Variants in ZC3H12B observed in about 807,000 individuals in gnomAD.
The protein encoded by ZC3H12B is probable ribonuclease ZC3H12B.
A neutral mutation model predicts 43.9 loss-of-function variants in ZC3H12B; 7 were observed. The ratio of observed to expected loss-of-function variants is 0.16; its 90% CI spans 0.09 to 0.30. The LOEUF (loss-of-function observed/expected upper bound fraction) is 0.30, where lower values mean the gene tolerates loss of function less well. ZC3H12B is among the 10% of genes least tolerant of loss of function. The probability of loss-of-function intolerance (pLI) is 1.00; values close to 1 mark genes in which losing one functional copy is unlikely to be tolerated. For synonymous variants in ZC3H12B, 222 were observed against 241.7 expected, an observed-to-expected ratio of 0.92 and a Z score of 0.76; for missense variants, 475 against 670.2, an observed-to-expected ratio of 0.71 and a Z score of 3.22.
chrX:65,088,133 G>A, the ZC3H12B span, among the ~76,000 whole-genome samples: 1 of 111,845 alleles, frequency 8.9e-6, no homozygotes, highest in African/African-American at 3.3e-5. Context: ...ACATTAGCCT[G>A]TGTAAGATTC....
the ZC3H12B span, among the ~76,000 whole-genome samples, chrX:65,306,932 G>A: frequency 8.9e-6 from 1 of 112,285 alleles, no homozygotes; most frequent in East Asian, 2.8e-4. Context: ...AGAATATTTT[G>A]TGTGATTTTA....
At chrX:65,186,597 C>A in the ZC3H12B span, 1 of 103,544 alleles carries the variant, frequency 9.7e-6, no homozygotes, top group Non-Finnish European at 2.0e-5. Flanking sequence ...TGAATAAGTT[C>A]TTTATTGTTG....
At chrX:65,118,500 A>G in the ZC3H12B span, among the ~76,000 whole-genome samples, 1 of 111,266 alleles carries the variant, frequency 9.0e-6, no homozygotes, top group African/African-American at 3.3e-5. Context: ...TAGAAATGTC[A>G]TCTGCAAACA....
chrX:65,328,558 CT>C, the ZC3H12B span: 141 of 177,479 alleles, frequency 7.9e-4, no homozygotes, highest in East Asian at 3.3e-3. Flanking sequence ...CTTTATTTGT[CT>C]TTTTTTTTAT....
At chrX:65,124,563 T>G in the ZC3H12B span, among the ~76,000 whole-genome samples, 1 of 111,186 alleles carries the variant, frequency 9.0e-6, no homozygotes, top group African/African-American at 3.3e-5. Flanking sequence ...AAGATTGTTA[T>G]CAGTTCTCCA....
chrX:65,259,883 A>G, the ZC3H12B span, among the ~76,000 whole-genome samples: 46 of 112,160 alleles, frequency 4.1e-4, no homozygotes, highest in African/African-American at 1.5e-3. Flanking sequence ...ATGGAGCACT[A>G]CTCAGCCATA....
chrX:65,387,387 C>T (rs2066542968), intron 2 of ZC3H12B, among the ~76,000 whole-genome samples: 1 of 111,732 alleles, frequency 8.9e-6, no homozygotes, highest in Non-Finnish European at 1.9e-5. Context: ...ATCCCTTTAC[C>T]ATTATTTAAT....
the ZC3H12B span, among the ~76,000 whole-genome samples, chrX:65,167,852 A>G: frequency 1.8e-5 from 2 of 111,934 alleles, no homozygotes; most frequent in Non-Finnish European, 3.8e-5. Flanking sequence ...TTATTGGTGT[A>G]TAAGAATGCT....
upstream of ZC3H12B, among the ~76,000 whole-genome samples, chrX:65,361,953 G>A (rs1274937671): frequency 8.9e-6 from 1 of 112,236 alleles, no homozygotes; most frequent in Admixed American, 9.4e-5. Flanking sequence ...CAGCAGCCAG[G>A]CATTCCTCCA....
chrX:65,175,214 G>A, the ZC3H12B span, among the ~76,000 whole-genome samples: 1 of 111,943 alleles, frequency 8.9e-6, no homozygotes, highest in Non-Finnish European at 1.9e-5. Context: ...TGCACCCACT[G>A]CCTAACCAGT....
chrX:65,499,433 G>C (rs921906083), intron 3 of ZC3H12B, 200 bp downstream of exon 8: 20 of 393,988 alleles, frequency 5.1e-5, no homozygotes, highest in African/African-American at 4.5e-4. Context: ...ACAATGTTTT[G>C]TTATAAGAGC....
At chrX:65,069,210 C>T in the ZC3H12B span, among the ~76,000 whole-genome samples, 1 of 106,359 alleles carries the variant, frequency 9.4e-6, no homozygotes. Flanking sequence ...TATGAATCAA[C>T]TTTCTTCTGC....
chrX:65,227,754 C>G, the ZC3H12B span, among the ~76,000 whole-genome samples: 3 of 111,084 alleles, frequency 2.7e-5, no homozygotes, highest in African/African-American at 9.8e-5. Flanking sequence ...ACTACAAACA[C>G]CTCTACGCAA....
chrX:65,436,676 T>C (rs2067225466), intron 3 of ZC3H12B, among the ~76,000 whole-genome samples: 1 of 111,664 alleles, frequency 9.0e-6, no homozygotes, highest in Admixed American at 9.5e-5. Context: ...CCTTCACTTT[T>C]TAAAAAAACT....
At chrX:65,277,096 T>G in the ZC3H12B span, among the ~76,000 whole-genome samples, 2 of 111,412 alleles carry the variant, frequency 1.8e-5, no homozygotes, top group Non-Finnish European at 1.9e-5. Flanking sequence ...AAAATTTATG[T>G]CAAGAAGATT....
intron 2 of ZC3H12B, among the ~76,000 whole-genome samples, chrX:65,386,294 T>G (rs2066524389): frequency 8.9e-6 from 1 of 111,964 alleles, no homozygotes; most frequent in Non-Finnish European, 1.9e-5. Context: ...TTTTGGTTGG[T>G]AGGCTATTAA....
At chrX:65,199,915 G>A in the ZC3H12B span, among the ~76,000 whole-genome samples, 2 of 110,183 alleles carry the variant, frequency 1.8e-5, no homozygotes, top group Non-Finnish European at 3.8e-5. Flanking sequence ...GAACATATGT[G>A]TGTGTATATC....
the ZC3H12B span, among the ~76,000 whole-genome samples, chrX:65,197,710 C>T: frequency 8.9e-6 from 1 of 112,290 alleles, no homozygotes; most frequent in South Asian, 3.6e-4. Context: ...AATGTGTTAA[C>T]ACTGTTTACT....
chrX:65,461,793 G>GTA (rs779455946), intron 3 of ZC3H12B, among the ~76,000 whole-genome samples: 4 of 110,529 alleles, frequency 3.6e-5, no homozygotes, highest in Non-Finnish European at 5.7e-5. Context: ...CATGGCCCAT[G>GTA]TATATATATG....
Sources: gnomAD v4.1 joint callset for allele counts (sites outside exome capture counted in the v4.1 genomes callset) on GRCh38, gnomAD v4.1.1 for gene constraint, MANE v1.5 for transcripts, NCBI Gene and HGNC (gene_info 2026-07-23, HGNC 2026-07-21) for gene names.